Variants in ZNF83 observed in about 807,000 individuals in gnomAD.
ZNF83 encodes zinc finger protein 816B.
For missense variants in ZNF83, 552 were observed against 629.9 expected (o/e 0.88, Z 1.32); for synonymous variants, 209 against 213.0 (o/e 0.98, Z 0.17).
intron 1 of ZNF83, among the ~76,000 whole-genome samples, chr19:52,675,333 G>A (rs1439379394): frequency 1.3e-5 from 2 of 152,200 alleles, no homozygotes; most frequent in African/African-American, 4.8e-5. Flanking sequence ...ATGTACTTAA[G>A]CACAATAGTA....
At chr19:52,643,200 CA>C (rs568742714), upstream of ZNF83, among the ~76,000 whole-genome samples, 353 of 151,722 alleles carry the variant, frequency 2.3e-3, 1 homozygote, top group African/African-American at 8.4e-3. Context: ...AATAAAAATA[CA>C]AAAATTAGCC....
intron 1 of ZNF83, among the ~76,000 whole-genome samples, chr19:52,665,661 A>AT (rs2061640282): frequency 6.6e-6 from 1 of 151,866 alleles, no homozygotes; most frequent in Non-Finnish European, 1.5e-5. Flanking sequence ...TTCCATAATC[A>AT]TTTTTCCCAC....
At chr19:52,649,173 G>A (rs575078521) in intron 3 of ZNF83, among the ~76,000 whole-genome samples, 24 of 152,088 alleles carry the variant, frequency 1.6e-4, no homozygotes, top group Non-Finnish European at 3.4e-4. Context: ...CCTGGCTTTC[G>A]CAGCACCCCA....
At chr19:52,639,227 C>T (rs2061251822), upstream of ZNF83, among the ~76,000 whole-genome samples, 1 of 151,818 alleles carries the variant, frequency 6.6e-6, no homozygotes, top group Non-Finnish European at 1.5e-5. Context: ...GCTGGGATCA[C>T]AGGGATGTGC....
chr19:52,634,449 T>C (rs900455876), intron 2 of ZNF83, among the ~76,000 whole-genome samples: 2 of 152,188 alleles, frequency 1.3e-5, no homozygotes, highest in Non-Finnish European at 2.9e-5. Flanking sequence ...GTGCTAAGAA[T>C]GGTTTAAAGA....
chr19:52,689,976 G>A (rs1404845145), intron 1 of ZNF83, among the ~76,000 whole-genome samples: 3 of 152,156 alleles, frequency 2.0e-5, no homozygotes, highest in Non-Finnish European at 4.4e-5. Context: ...GGAGGGAGGT[G>A]GGGGGCGACG....
At chr19:52,618,686 C>T (rs994466435) in intron 2 of ZNF83, 1 of 650,828 alleles carries the variant, frequency 1.5e-6, no homozygotes, top group Non-Finnish European at 2.4e-6. Context: ...CATGAGTCAC[C>T]ACGCCTTGCC....
intron 3 of ZNF83, among the ~76,000 whole-genome samples, chr19:52,645,193 T>G (rs1272009494): frequency 6.6e-6 from 1 of 152,036 alleles, no homozygotes; most frequent in Non-Finnish European, 1.5e-5. Context: ...GACTAACTGG[T>G]TAAACTACAC....
intron 2 of ZNF83, among the ~76,000 whole-genome samples, chr19:52,620,901 C>G (rs1449424272): frequency 6.6e-6 from 1 of 152,204 alleles, no homozygotes; most frequent in Non-Finnish European, 1.5e-5. Flanking sequence ...CCCCACCATG[C>G]ACTTTGTGAC....
At chr19:52,658,902 T>C (rs751181095) in intron 2 of ZNF83, among the ~76,000 whole-genome samples, 2 of 152,188 alleles carry the variant, frequency 1.3e-5, no homozygotes, top group Non-Finnish European at 2.9e-5. Flanking sequence ...ACCATGCTAA[T>C]TATCCTCAAG....
chr19:52,665,214 A>G (rs2061633647), intron 1 of ZNF83, among the ~76,000 whole-genome samples: 1 of 151,990 alleles, frequency 6.6e-6, no homozygotes, highest in Non-Finnish European at 1.5e-5. Flanking sequence ...TGGGGAGCAG[A>G]GGGCTCAGGC....
intron 2 of ZNF83, 87 bp downstream of exon 2, chr19:52,634,979 T>G: frequency 1.6e-6 from 1 of 609,934 alleles, no homozygotes; most frequent in Non-Finnish European, 3.0e-6. Flanking sequence ...AGGACACTTC[T>G]TGAGACCCAG....
chr19:52,656,549 T>C (rs2061507297), intron 2 of ZNF83, among the ~76,000 whole-genome samples: 1 of 151,664 alleles, frequency 6.6e-6, no homozygotes. Flanking sequence ...TATGTATATA[T>C]TGCAAATAAT....
intron 3 of ZNF83, among the ~76,000 whole-genome samples, chr19:52,649,845 G>C (rs2061420430): frequency 6.6e-6 from 1 of 152,036 alleles, no homozygotes; most frequent in African/African-American, 2.4e-5. Context: ...GGAATTCTTA[G>C]AATAAGCTCA....
At chr19:52,651,679 G>C (rs1478416663) in intron 3 of ZNF83, 1 of 69,762 alleles carries the variant, frequency 1.4e-5, no homozygotes, top group Non-Finnish European at 2.6e-5. Context: ...GAAAGACTCT[G>C]TCTCAAAAAA....
upstream of ZNF83, among the ~76,000 whole-genome samples, chr19:52,642,261 C>CTTTT (rs869173970): frequency 2.1e-5 from 1 of 47,864 alleles, no homozygotes. Context: ...AGTATTGTAG[C>CTTTT]TTTTTTTTTT....
intron 1 of ZNF83, among the ~76,000 whole-genome samples, chr19:52,684,349 G>A (rs1197493158): frequency 1.3e-5 from 2 of 151,948 alleles, no homozygotes. Flanking sequence ...CTGGGTGACA[G>A]AGTGAGACTC....
At chr19:52,626,514 T>C (rs1049303397) in intron 2 of ZNF83, among the ~76,000 whole-genome samples, 1 of 152,104 alleles carries the variant, frequency 6.6e-6, no homozygotes, top group African/African-American at 2.4e-5. Flanking sequence ...TCTAACTGAG[T>C]GTCTTGGCTA....
At chr19:52,624,338 T>G (rs1030226040) in intron 2 of ZNF83, among the ~76,000 whole-genome samples, 1 of 152,174 alleles carries the variant, frequency 6.6e-6, no homozygotes, top group African/African-American at 2.4e-5. Flanking sequence ...GGCATAATTC[T>G]TCATGAAAAC....
Sources: allele counts gnomAD v4.1 joint callset (sites outside exome capture counted in the v4.1 genomes callset), GRCh38; gene constraint gnomAD v4.1.1; transcripts MANE v1.5; gene names NCBI Gene and HGNC (gene_info 2026-07-23, HGNC 2026-07-21).